Variants in PAN3 observed in about 807,000 individuals in gnomAD.
PAN3 encodes the protein PAN2-PAN3 deadenylation complex subunit PAN3.
Under a neutral mutation model 96.2 loss-of-function variants are expected in PAN3, and 19 were observed. The ratio of observed to expected loss-of-function variants is 0.20; its 90% CI spans 0.14 to 0.29. The LOEUF is 0.29. PAN3 is among the 10% of genes least tolerant of loss of function. The pLI, the probability that PAN3 is intolerant of heterozygous loss-of-function variation, is 1.00. For synonymous variants in PAN3, 433 were observed against 406.6 expected (o/e 1.06, Z -0.78); for missense variants, 882 against 1,108.1 (o/e 0.80, Z 2.90).
At chr13:28,215,373 A>T in intron 5 of PAN3, 1 of 751,190 alleles carries the variant, frequency 1.3e-6, no homozygotes, top group Non-Finnish European at 2.5e-6. Context: ...CAACGTTACA[A>T]CTGAAGTCTA....
At chr13:28,142,580 A>G (rs990875628) in intron 1 of PAN3, among the ~76,000 whole-genome samples, 2 of 134,220 alleles carry the variant, frequency 1.5e-5, no homozygotes, top group African/African-American at 3.0e-5. Flanking sequence ...ATTATTTTGT[A>G]TTTTTGGTAG....
At chr13:28,177,732 A>G (rs1157287331) in intron 3 of PAN3, 133 bp from the exon 4 acceptor site, 2 of 695,380 alleles carry the variant, frequency 2.9e-6, no homozygotes, top group East Asian at 2.7e-5. Flanking sequence ...ATATTTGAAC[A>G]TAACTGTGTG....
chr13:28,247,680 G>A (rs773937825), intron 6 of PAN3, among the ~76,000 whole-genome samples: 37 of 152,094 alleles, frequency 2.4e-4, no homozygotes, highest in Non-Finnish European at 4.9e-4. Context: ...TATTGAAGAG[G>A]CCATCTTTTC....
chr13:28,165,648 A>G (rs1304828775), intron 1 of PAN3, among the ~76,000 whole-genome samples: 2 of 152,184 alleles, frequency 1.3e-5, no homozygotes, highest in Admixed American at 6.5e-5. Context: ...ATAGTGTCTT[A>G]GTTCATTTCT....
In PAN3 at chr13:28,218,809, A is replaced by C. The variant is rs535406411; in HGVS notation, c.853-1422A>C. Among the ~76,000 whole-genome samples the C allele has an allele frequency of 3.3e-5, 5 of 152,318 alleles. No homozygotes were observed. In the South Asian group the frequency reaches 1.0e-3, roughly 32 times the overall value. ...TCTCAGGAACACACTAAAAGTATTC[A>C]TATTGTGTATTATTTTCCTTATGTA... is the stretch of plus-strand genomic sequence containing the variant. On this transcript the variant is annotated intron_variant, in intron 5 of 18. Coordinates refer to ENST00000380958, the MANE Select transcript of PAN3 (RefSeq NM_175854.8).
At chr13:28,257,727 ATTAT>A (rs2138595834) in intron 7 of PAN3, among the ~76,000 whole-genome samples, 1 of 137,084 alleles carries the variant, frequency 7.3e-6, no homozygotes, top group African/African-American at 2.8e-5. Context: ...ATTAATATAT[ATTAT>A]ATATAAATTA....
chr13:28,250,797 T>G (rs1275977686), intron 6 of PAN3, among the ~76,000 whole-genome samples: 1 of 152,184 alleles, frequency 6.6e-6, no homozygotes, highest in East Asian at 1.9e-4. Context: ...AGCTACCACA[T>G]TCAGCCTCTG....
intron 5 of PAN3, among the ~76,000 whole-genome samples, chr13:28,201,564 T>C (rs1481184386): frequency 1.3e-5 from 2 of 151,590 alleles, no homozygotes; most frequent in African/African-American, 4.9e-5. Flanking sequence ...AATAATAATT[T>C]TTTTTTTTAA....
chr13:28,281,465 G>A (rs1887461743), intron 17 of PAN3, 86 bp downstream of exon 17: 4 of 1,203,468 alleles, frequency 3.3e-6, no homozygotes, highest in Admixed American at 2.3e-5. Context: ...GCTTTATTTG[G>A]AAAAAGAGAA....
intron 5 of PAN3, among the ~76,000 whole-genome samples, chr13:28,211,308 A>G (rs548460562): frequency 2.0e-5 from 3 of 152,268 alleles, no homozygotes; most frequent in East Asian, 1.9e-4. Flanking sequence ...GCTTTTCCAG[A>G]TAATTCACTG....
At chr13:28,253,713 G>A (rs559421121) in intron 6 of PAN3, among the ~76,000 whole-genome samples, 269 of 142,968 alleles carry the variant, frequency 1.9e-3, no homozygotes, top group African/African-American at 7.3e-3. Flanking sequence ...GGGCTCAAGC[G>A]ATCCTCCTGC....
At chr13:28,196,754 G>T (rs1593453010) in intron 4 of PAN3, among the ~76,000 whole-genome samples, 1 of 152,204 alleles carries the variant, frequency 6.6e-6, no homozygotes, top group Middle Eastern at 3.4e-3. Context: ...AGCTGAAAAA[G>T]TTGTAGTTTG....
intron 5 of PAN3, chr13:28,215,397 T>C (rs904213385): frequency 4.1e-6 from 3 of 740,220 alleles, no homozygotes; most frequent in Admixed American, 3.6e-5. Context: ...AAATGCACCA[T>C]GGAGCTTTGA....
intron 6 of PAN3, among the ~76,000 whole-genome samples, chr13:28,230,571 TAAGAG>T (rs1413619897): frequency 2.0e-5 from 3 of 151,958 alleles, no homozygotes; most frequent in East Asian, 1.9e-4. Flanking sequence ...AAAGAGAAAA[TAAGAG>T]AAAACAACTA....
chr13:28,182,542 T>C (rs971026626), intron 4 of PAN3, among the ~76,000 whole-genome samples: 11 of 152,234 alleles, frequency 7.2e-5, no homozygotes, highest in Non-Finnish European at 8.8e-5. Flanking sequence ...TTTTTAAGTT[T>C]TAATAACAAG....
At chr13:28,284,416 C>T (rs967656543) in intron 17 of PAN3, among the ~76,000 whole-genome samples, 1 of 151,030 alleles carries the variant, frequency 6.6e-6, no homozygotes, top group Non-Finnish European at 1.5e-5. Flanking sequence ...ATTCCCCACC[C>T]TTGGAGACAT....
In PAN3 at chr13:28,197,206, A is replaced by T. The variant is rs750690809; in HGVS notation, c.712A>T (p.Met238Leu). 88 of 1,612,646 alleles carry T rather than the reference A, an allele frequency of 5.5e-5. 2 individuals are homozygous for T. Among genetic ancestry groups the T allele is most frequent in the Non-Finnish European group, 5.3e-5 (62 of 1,179,386 alleles). The change falls in exon 5 of 19, where the codon ATG becomes TTG. Residue 238 changes from methionine (M) to leucine (L), a missense_variant. Physicochemically the swap from Met to Leu is conservative, Grantham distance 15 (BLOSUM62 2). This residue lies in a region of PAN3 where 442 missense variants were observed against 422.8 expected (regional missense o/e 1.05). Coordinates refer to ENST00000380958, the MANE Select transcript of PAN3 (RefSeq NM_175854.8). Reference protein sequence around the residue: ...RRKPRKYRLGMLEERLVPMGS... With the variant: ...RRKPRKYRLGLLEERLVPMGS... ...CTAGCCAAGGAAGTATCGCCTGGGG[A>T]TGCTGGAGGAGAGGCTAGTTCCGAT...
chr13:28,253,644 A>G (rs1197528125), intron 6 of PAN3, among the ~76,000 whole-genome samples: 4 of 148,818 alleles, frequency 2.7e-5, no homozygotes, highest in Non-Finnish European at 4.4e-5. Flanking sequence ...TATGTTACCC[A>G]GACTGGAGCA....
intron 6 of PAN3, among the ~76,000 whole-genome samples, chr13:28,251,872 G>GT (rs200752843): frequency 0.041 from 4,380 of 106,862 alleles, 156 homozygotes; most frequent in African/African-American, 0.099. Context: ...TGCTCTTGGG[G>GT]TTGGTTTGTT....
Sources: allele counts gnomAD v4.1 joint callset (sites outside exome capture counted in the v4.1 genomes callset), GRCh38; gene constraint gnomAD v4.1.1; regional missense constraint gnomAD v4.1.1; transcripts MANE v1.5; gene names NCBI Gene and HGNC (gene_info 2026-07-23, HGNC 2026-07-21).